PTPRU: variants seen among roughly 807,000 people sequenced by gnomAD.
PTPRU encodes the protein protein tyrosine phosphatase receptor type U.
A neutral mutation model predicts 166.3 loss-of-function variants in PTPRU; 69 were observed. The ratio of observed to expected loss-of-function variants is 0.41; its 90% CI spans 0.34 to 0.51. PTPRU has a LOEUF of 0.51. Ranked by LOEUF, PTPRU falls within the 20% of genes least tolerant of loss-of-function variation. The pLI is 0.09. For synonymous variants in PTPRU, 793 were observed against 814.0 expected (o/e 0.97, Z 0.44); for missense variants, 1,657 against 2,013.7 (o/e 0.82, Z 3.39).
chr1:29,287,154 G>A (rs1458197374), intron 14 of PTPRU, among the ~76,000 whole-genome samples: 1 of 152,128 alleles, frequency 6.6e-6, no homozygotes, highest in Non-Finnish European at 1.5e-5. Context: ...ATAGAGGCCA[G>A]CTGGAAGAAG....
intron 2 of PTPRU, 134 bp downstream of exon 2, chr1:29,255,540 T>A: frequency 7.7e-7 from 1 of 1,304,524 alleles, no homozygotes; most frequent in Non-Finnish European, 1.1e-6. Flanking sequence ...ATGACATACG[T>A]GACACTGAAT....
intron 1 of PTPRU, among the ~76,000 whole-genome samples, chr1:29,253,804 A>G (rs575731193): frequency 6.6e-6 from 1 of 152,040 alleles, no homozygotes; most frequent in East Asian, 2.0e-4. Flanking sequence ...TTCAAATCCC[A>G]CCTCTGTTCC....
chr1:29,275,462 C>T lies in PTPRU; in HGVS notation c.1159C>T (p.Pro387Ser), dbSNP rs764593080. 1 of 1,613,672 alleles carries T rather than the reference C, an allele frequency of 6.2e-7. No individual in the cohort carries two copies. The highest frequency in any genetic ancestry group is 1.1e-5 in the South Asian group (1 of 91,060). ...GCATTCTCCAGAGCCCATGAGGGCC[C>T]CCAAAGGCCTGGCTTTTGCTGAGAT... ...RTKCAEPMRA[P>S]KGLAFAEIQA... The change falls in exon 8 of 30, where the codon CCC becomes TCC. Residue 387 changes from proline (P) to serine (S), a missense_variant. Physicochemically the swap from Pro to Ser is moderately conservative, Grantham distance 74. Transcript: ENST00000373779.
At chr1:29,240,935 G>T (rs1011553801) in intron 1 of PTPRU, among the ~76,000 whole-genome samples, 1 of 152,208 alleles carries the variant, frequency 6.6e-6, no homozygotes, top group Admixed American at 6.5e-5. Context: ...GGAGGGAAGG[G>T]AGGAGAACTG....
At position 29,259,963 on chromosome 1, in the gene PTPRU, G is replaced by T. The variant is rs1306794834; in HGVS notation, c.769G>T (p.Ala257Ser). The change falls in exon 6 of 30, where the codon GCC becomes TCC. Residue 257 changes from alanine (A) to serine (S), a missense_variant. Ala to Ser is a moderately conservative substitution (Grantham distance 99). This residue lies in a region of PTPRU where 453 missense variants were observed against 496.9 expected (regional missense o/e 0.91). Coordinates refer to ENST00000373779, the MANE Select transcript of PTPRU (RefSeq NM_133178.4). ...ATFPLAAVSR[A>S]EQDLYRCVSQ... ...TTTCCCGCTGGCTGCCGTGAGCCGC[G>T]CCGAGCAGGACCTGTACCGCTGTGT... 1 of 1,546,800 alleles carries T rather than the reference G, an allele frequency of 6.5e-7. No homozygotes were observed. The highest frequency in any genetic ancestry group is 8.7e-7 in the Non-Finnish European group (1 of 1,153,346).
rs1212725214 is a variant in PTPRU, at chr1:29,315,218, G to A, written c.3228-154G>A. 6.6e-6 allele frequency among the ~76,000 whole-genome samples: 1 copy of A among 152,036 alleles called. No homozygotes were observed. The highest frequency in any genetic ancestry group is 1.5e-5 in the Non-Finnish European group (1 of 68,002). Reference sequence around the variant, plus strand: ...CTAGAGCTCTTCCATCCAGCAGCCTGCGTCCTGGCTCCTTACTCGGGGAGG... The same window carrying A: ...CTAGAGCTCTTCCATCCAGCAGCCTACGTCCTGGCTCCTTACTCGGGGAGG... On this transcript the variant is annotated intron_variant, in intron 22 of 29. Transcript: ENST00000373779. The surrounding 1 kb of genome is among the most constrained non-coding windows in gnomAD (Gnocchi z 4.5).
intron 15 of PTPRU, among the ~76,000 whole-genome samples, chr1:29,297,052 GTTT>G (rs35789721): frequency 9.0e-6 from 1 of 111,394 alleles, no homozygotes; most frequent in Non-Finnish European, 1.8e-5. Flanking sequence ...CTTAGTAGCT[GTTT>G]TTTTTTTTTT....
chr1:29,255,393 G>T lies in PTPRU; in HGVS notation c.192G>T (p.Ala64=), dbSNP rs775871361. 4 of 1,614,008 alleles carry T rather than the reference G, an allele frequency of 2.5e-6. No homozygotes were observed. The highest frequency in any genetic ancestry group is 3.4e-6 in the Non-Finnish European group (4 of 1,179,998). The change falls in exon 2 of 30, where the codon GCG becomes GCT. Residue 64 remains alanine (A), a synonymous_variant. Coordinates refer to ENST00000373779, the MANE Select transcript of PTPRU (RefSeq NM_133178.4). Reference sequence around the variant, plus strand: ...TCCACCCTGGCACCCGGGCACCTGCGGACCTGCCCCACGGTAAGTCTACTC... The same window carrying T: ...TCCACCCTGGCACCCGGGCACCTGCTGACCTGCCCCACGGTAAGTCTACTC... ...VRIHPGTRAP[A]DLPHGSYLMV...
At chr1:29,308,255 G>A (rs528219794) in intron 18 of PTPRU, among the ~76,000 whole-genome samples, 5 of 150,402 alleles carry the variant, frequency 3.3e-5, no homozygotes, top group African/African-American at 7.3e-5. Context: ...GACTACAGGC[G>A]TGTGCTGCCA....
chr1:29,250,325 T>C (rs915092409), intron 1 of PTPRU, among the ~76,000 whole-genome samples: 4 of 152,202 alleles, frequency 2.6e-5, no homozygotes, highest in African/African-American at 7.2e-5. Flanking sequence ...CCCCTGTGAA[T>C]GAAGCTGAAT....
chr1:29,300,238 A>G (rs533305830), intron 15 of PTPRU, among the ~76,000 whole-genome samples: 4 of 152,314 alleles, frequency 2.6e-5, no homozygotes, highest in South Asian at 4.1e-4. Context: ...CTCAGTGTCT[A>G]CATTGCACAG....
intron 18 of PTPRU, among the ~76,000 whole-genome samples, chr1:29,308,983 G>T (rs1311062210): frequency 6.6e-6 from 1 of 152,210 alleles, no homozygotes; most frequent in Non-Finnish European, 1.5e-5. Flanking sequence ...GGAGACAGTG[G>T]CATGGAGCGA....
chr1:29,275,843 T>C, intron 8 of PTPRU, 87 bp downstream of exon 8: 1 of 1,429,852 alleles, frequency 7.0e-7, no homozygotes, highest in Non-Finnish European at 9.4e-7. Context: ...GAGGGTATTT[T>C]TTTCTTTTTT....
chr1:29,262,394 G>A (rs1287875727), intron 7 of PTPRU, among the ~76,000 whole-genome samples: 1 of 152,216 alleles, frequency 6.6e-6, no homozygotes, highest in Non-Finnish European at 1.5e-5. Flanking sequence ...CCGTGTATCT[G>A]AAGTTTCTCC....
chr1:29,272,906 C>CA (rs57076551), intron 7 of PTPRU, among the ~76,000 whole-genome samples: 3,859 of 53,660 alleles, frequency 0.072, 167 homozygotes, highest in African/African-American at 0.1. Flanking sequence ...GACCTTGTCT[C>CA]AAAAAAAAAA....
chr1:29,315,282 G>C lies in PTPRU; in HGVS notation c.3228-90G>C. The C allele has an allele frequency of 6.6e-7, 1 of 1,524,402 alleles. No individual in the cohort carries two copies. 94.4% of individuals were successfully genotyped at this position (1,524,402 alleles called of 1,614,324 possible). A position where few individuals can be genotyped will look rare whatever the true frequency, so the allele number is the denominator to read the frequency against. On this transcript the variant is annotated intron_variant, in intron 22 of 29. Transcript: ENST00000373779. This position sits in a 1 kb window ranked among gnomAD's most constrained non-coding sequence, Gnocchi z 4.5. ...GTGTCCGTGTCCCCTGTATGGTGTA[G>C]ACATGGCCAGTGCCCTCCTCTCTTC...
chr1:29,309,272 G>T (rs1687541683), intron 18 of PTPRU, among the ~76,000 whole-genome samples: 1 of 152,056 alleles, frequency 6.6e-6, no homozygotes, highest in Non-Finnish European at 1.5e-5. Flanking sequence ...ATAATCCCGG[G>T]CCCCACCCCA....
In PTPRU at chr1:29,274,778, C is replaced by T. The variant is rs576004208; in HGVS notation, c.1145-670C>T. Among the ~76,000 whole-genome samples, 20 of 152,088 alleles carry T rather than the reference C, an allele frequency of 1.3e-4. 1 individual carries two copies. The highest frequency in any genetic ancestry group is 3.4e-4 in the African/African-American group (14 of 41,494). On this transcript the variant is annotated intron_variant, in intron 7 of 29. Transcript: ENST00000373779. ...TTAAAAATAAATTATTGGCCGGGTG[C>T]GGTGGCTCACACCTGTAACCCAAGC... is the stretch of plus-strand genomic sequence containing the variant.
intron 2 of PTPRU, among the ~76,000 whole-genome samples, chr1:29,256,747 C>T (rs185663091): frequency 1.3e-5 from 2 of 152,304 alleles, no homozygotes; most frequent in East Asian, 3.9e-4. Context: ...TCTCCATATT[C>T]CCAGGGCCCA....
Sources: gnomAD v4.1 joint callset for allele counts (sites outside exome capture counted in the v4.1 genomes callset) on GRCh38, gnomAD v4.1.1 for gene constraint, gnomAD v4.1.1 regional missense constraint, Gnocchi (gnomAD v3.1) non-coding constraint, MANE v1.5 for transcripts, NCBI Gene and HGNC (gene_info 2026-07-23, HGNC 2026-07-21) for gene names.